Variants in NXPE4 observed in about 807,000 individuals in gnomAD.
NXPE4 encodes the protein NXPE family member 4.
NXPE4 carries 42 observed loss-of-function variants against 33.3 expected under a neutral mutation model. That is an observed-to-expected ratio of 1.26 (90% CI 0.98 to 1.63). The LOEUF (loss-of-function observed/expected upper bound fraction) is 1.63. Among genes scored for constraint, NXPE4 ranks in the 40% most tolerant of loss-of-function variants. The pLI is 0.00. For synonymous variants in NXPE4, 253 were observed against 234.9 expected, an observed-to-expected ratio of 1.08 and a Z score of -0.71; for missense variants, 709 against 647.6, an observed-to-expected ratio of 1.09 and a Z score of -1.03.
the NXPE4 span, among the ~76,000 whole-genome samples, chr11:114,628,862 T>C: frequency 1.3e-5 from 2 of 151,756 alleles, no homozygotes; most frequent in Non-Finnish European, 2.9e-5. Context: ...CCCACAGAAA[T>C]ACAAACTACC....
the NXPE4 span, among the ~76,000 whole-genome samples, chr11:114,639,208 G>A: frequency 4.6e-5 from 7 of 151,876 alleles, 1 homozygote; most frequent in African/African-American, 1.5e-4. Context: ...CCGCCTTTCA[G>A]TTTGATCTCA....
chr11:114,585,693 G>A (rs1316496593), intron 2 of NXPE4, among the ~76,000 whole-genome samples: 1 of 151,954 alleles, frequency 6.6e-6, no homozygotes, highest in African/African-American at 2.4e-5. Flanking sequence ...AATTATTTAG[G>A]TAGACAGTGA....
chr11:114,618,617 G>T, the NXPE4 span, among the ~76,000 whole-genome samples: 160 of 152,084 alleles, frequency 1.1e-3, 1 homozygote, highest in Middle Eastern at 0.014. Flanking sequence ...AATAAGTATT[G>T]CCTTGTGAGT....
the NXPE4 span, among the ~76,000 whole-genome samples, chr11:114,626,400 C>T: frequency 1.3e-5 from 2 of 152,180 alleles, no homozygotes; most frequent in South Asian, 4.1e-4. Context: ...TGGGAGGCAC[C>T]CCCCAACAGG....
At chr11:114,648,636 G>C in the NXPE4 span, among the ~76,000 whole-genome samples, 1 of 152,108 alleles carries the variant, frequency 6.6e-6, no homozygotes, top group Non-Finnish European at 1.5e-5. Context: ...CACTTGTCAA[G>C]TTAGCACCCA....
rs1591338446 is a variant in NXPE4, at chr11:114,582,492, A to G, written c.626T>C (p.Val209Ala). The G allele has an allele frequency of 1.2e-6, 2 of 1,614,164 alleles. No homozygotes were observed. Among genetic ancestry groups the G allele is most frequent in the Non-Finnish European group, 1.7e-6 (2 of 1,180,016 alleles). The change falls in exon 3 of 6, where the codon GTC becomes GCC. Residue 209 changes from valine to alanine, a missense_variant. Coordinates refer to ENST00000375478, the MANE Select transcript of NXPE4 (RefSeq NM_001077639.2). ...YDRVIFTGQF[V>A]NGTSQVHSEC... ...AGAGTGGACTTGGGAAGTGCCATTG[A>G]CAAACTGGCCAGTGAAGATCACCCT... is the stretch of plus-strand genomic sequence containing the variant.
chr11:114,626,518 C>T, the NXPE4 span, among the ~76,000 whole-genome samples: 1 of 152,214 alleles, frequency 6.6e-6, no homozygotes, highest in East Asian at 1.9e-4. Context: ...AAAAACCCAT[C>T]TGTACATCAC....
chr11:114,582,428 G>A lies in NXPE4; in HGVS notation c.690C>T (p.Cys230=), dbSNP rs1279468324. ...CTTGGTCTCTGTTGTCCAGGTACTG[G>A]CACAATTCAGCATTTGTGTTTAGGA... ...GLILNTNAEL[C]QYLDNRDQEG... The change falls in exon 3 of 6, where the codon TGC becomes TGT. Residue 230 remains cysteine (C), a synonymous_variant. Coordinates refer to ENST00000375478, the MANE Select transcript of NXPE4 (RefSeq NM_001077639.2). 3 of 1,614,184 alleles carry A rather than the reference G, an allele frequency of 1.9e-6. No individual in the cohort carries two copies. The highest frequency in any genetic ancestry group is 1.7e-6 in the Non-Finnish European group (2 of 1,180,010).
At chr11:114,575,046 G>A (rs1365958305) in intron 5 of NXPE4, among the ~76,000 whole-genome samples, 1 of 152,002 alleles carries the variant, frequency 6.6e-6, no homozygotes, top group Admixed American at 6.6e-5. Context: ...ACATACGTAA[G>A]TCAATAAATG....
At chr11:114,669,515 G>C in the NXPE4 span, among the ~76,000 whole-genome samples, 1 of 152,094 alleles carries the variant, frequency 6.6e-6, no homozygotes, top group African/African-American at 2.4e-5. Flanking sequence ...AGAAGTCCTG[G>C]ACTCTCTTTC....
At chr11:114,608,857 G>T in the NXPE4 span, among the ~76,000 whole-genome samples, 1 of 151,580 alleles carries the variant, frequency 6.6e-6, no homozygotes, top group Admixed American at 6.6e-5. Flanking sequence ...TGCCTTGTGG[G>T]TAACCACTCT....
the NXPE4 span, among the ~76,000 whole-genome samples, chr11:114,607,328 G>T: frequency 7.2e-5 from 11 of 151,880 alleles, no homozygotes; most frequent in African/African-American, 2.7e-4. Context: ...TTGTTAGCCC[G>T]TTGATACTAA....
the NXPE4 span, among the ~76,000 whole-genome samples, chr11:114,609,290 G>A: frequency 1.4e-4 from 21 of 150,736 alleles, no homozygotes; most frequent in Admixed American, 3.3e-4. Flanking sequence ...ACTGTTACCC[G>A]GTGGATAATA....
chr11:114,639,463 C>T, the NXPE4 span, among the ~76,000 whole-genome samples: 25 of 151,620 alleles, frequency 1.6e-4, no homozygotes, highest in East Asian at 2.1e-3. Context: ...ATGCACGCTG[C>T]GCTGCCCCCA....
the NXPE4 span, among the ~76,000 whole-genome samples, chr11:114,637,159 C>A: frequency 6.6e-6 from 1 of 151,670 alleles, no homozygotes; most frequent in African/African-American, 2.4e-5. Context: ...GTATTGGGTC[C>A]ATATATATTT....
In NXPE4 at chr11:114,594,687, TA is replaced by T; in HGVS notation, c.72del (p.Phe24LeufsTer14). The T allele has an allele frequency of 6.2e-7, 1 of 1,601,974 alleles. No homozygotes were observed. The highest frequency in any genetic ancestry group is 8.5e-7 in the Non-Finnish European group (1 of 1,172,278). Reference protein sequence around the residue: ...LLFILASWIIFTVFQNSTKVW... With the variant: ...LLFILASWIIXTVFQNSTKVW... ...ACCTTTGTGGAGTTCTGGAAAACTG[TA>T]AAAATGATCCAGGAGGCTAATATAA... On this transcript the variant is annotated frameshift_variant, in exon 2 of 6. Transcript: ENST00000375478. LOFTEE classifies it high-confidence loss of function.
At chr11:114,662,833 AG>A in the NXPE4 span, among the ~76,000 whole-genome samples, 1 of 152,182 alleles carries the variant, frequency 6.6e-6, no homozygotes, top group Admixed American at 6.5e-5. Context: ...GAAAGGACCC[AG>A]TCCTGGCAAC....
chr11:114,639,328 G>T, the NXPE4 span, among the ~76,000 whole-genome samples: 2 of 152,190 alleles, frequency 1.3e-5, no homozygotes, highest in East Asian at 3.9e-4. Context: ...GAAAAGTGCA[G>T]TATTAGGGTG....
chr11:114,661,891 T>G, the NXPE4 span, among the ~76,000 whole-genome samples: 2 of 152,176 alleles, frequency 1.3e-5, no homozygotes, highest in African/African-American at 2.4e-5. Flanking sequence ...TCAATGGGTT[T>G]TTGATGAAGG....
Sources: allele counts gnomAD v4.1 joint callset (sites outside exome capture counted in the v4.1 genomes callset), GRCh38; gene constraint gnomAD v4.1.1; transcripts MANE v1.5; gene names NCBI Gene and HGNC (gene_info 2026-07-23, HGNC 2026-07-21).